The following GPR89B variants were observed in gnomAD, a reference collection of about 807,000 sequenced individuals.
The protein encoded by GPR89B is golgi pH regulator B.
Under a neutral mutation model 52.4 loss-of-function variants are expected in GPR89B, and 25 were observed. The observed-to-expected ratio is 0.48, with a 90% CI of 0.35 to 0.67. The LOEUF is 0.67. Among genes scored for constraint, GPR89B ranks in the 30% least tolerant of loss-of-function variants. The pLI is 0.01. For synonymous variants in GPR89B, 52 were observed against 151.2 expected (o/e 0.34, Z 4.81); for missense variants, 146 against 450.2 (o/e 0.32, Z 6.11).
downstream of GPR89B, chr1:147,995,670 G>C: frequency 3.1e-6 from 5 of 1,609,622 alleles, no homozygotes; most frequent in Non-Finnish European, 4.2e-6. Context: ...GGGGTGTCAA[G>C]TGGATCAGCC....
At chr1:147,979,405 G>A (rs1240148866) in intron 10 of GPR89B, among the ~76,000 whole-genome samples, 1 of 151,916 alleles carries the variant, frequency 6.6e-6, no homozygotes, top group African/African-American at 2.4e-5. Context: ...TTATTGCACT[G>A]ACTAAAACCT....
intron 10 of GPR89B, among the ~76,000 whole-genome samples, chr1:147,977,233 C>CAAAAAAAAA (rs1191631857): frequency 4.8e-5 from 2 of 41,324 alleles, no homozygotes; most frequent in African/African-American, 9.5e-5. Flanking sequence ...GACTCCATCT[C>CAAAAAAAAA]AAAAAAAAAA....
the GPR89B span, among the ~76,000 whole-genome samples, chr1:148,018,801 G>A: frequency 1.1e-4 from 17 of 151,542 alleles, no homozygotes; most frequent in Non-Finnish European, 4.4e-5. Context: ...CTAGTAGCTG[G>A]GATTACAGGC....
intron 8 of GPR89B, chr1:147,967,250 CAA>C (rs1433390564): frequency 6.7e-6 from 1 of 148,948 alleles, no homozygotes; most frequent in African/African-American, 2.5e-5. Context: ...GGCAACATGA[CAA>C]AACCTCATCT....
At chr1:148,005,655 T>C in the GPR89B span, 2 of 956,590 alleles carry the variant, frequency 2.1e-6, no homozygotes, top group African/African-American at 3.3e-5. Context: ...TCTAAGAACA[T>C]GTCAACCTTA....
the GPR89B span, among the ~76,000 whole-genome samples, chr1:148,016,169 T>C: frequency 2.1e-5 from 2 of 95,268 alleles, no homozygotes; most frequent in African/African-American, 8.8e-5. Context: ...AGATCTGGAT[T>C]TTCATCTGGT....
intron 7 of GPR89B, among the ~76,000 whole-genome samples, chr1:147,956,761 G>A (rs1358864132): frequency 4.0e-5 from 6 of 150,542 alleles, no homozygotes; most frequent in South Asian, 4.2e-4. Context: ...TTTTTAAGAC[G>A]GAGTCTCACT....
the GPR89B span, among the ~76,000 whole-genome samples, chr1:148,016,751 T>C: frequency 1.3e-5 from 2 of 151,504 alleles, no homozygotes; most frequent in African/African-American, 2.4e-5. Context: ...AGAAAGAAAA[T>C]AAATGCTTCC....
At chr1:147,969,424 G>A in intron 9 of GPR89B, 1 of 205,010 alleles carries the variant, frequency 4.9e-6, no homozygotes, top group East Asian at 1.4e-4. Flanking sequence ...ATTTAAATGT[G>A]CAAAATCTGT....
chr1:148,025,049 C>T, the GPR89B span, among the ~76,000 whole-genome samples: 1 of 151,830 alleles, frequency 6.6e-6, no homozygotes, highest in Non-Finnish European at 1.5e-5. Context: ...TAATCGACAC[C>T]ATCCTTTTCA....
chr1:148,006,345 T>C, the GPR89B span, among the ~76,000 whole-genome samples: 1 of 152,126 alleles, frequency 6.6e-6, no homozygotes, highest in Non-Finnish European at 1.5e-5. Flanking sequence ...TGCTGCGGAG[T>C]CATCTCACCA....
chr1:147,957,335 C>T (rs1199608947), intron 7 of GPR89B, among the ~76,000 whole-genome samples: 7 of 151,694 alleles, frequency 4.6e-5, no homozygotes, highest in African/African-American at 1.5e-4. Flanking sequence ...GTCTTTGTGC[C>T]TCATTTGTAA....
the GPR89B span, among the ~76,000 whole-genome samples, chr1:148,004,908 C>A: frequency 4.3e-4 from 55 of 126,458 alleles, 3 homozygotes; most frequent in African/African-American, 1.6e-3. Context: ...CACACACACA[C>A]ACACACACAC....
At chr1:148,012,864 G>A in the GPR89B span, among the ~76,000 whole-genome samples, 2 of 151,888 alleles carry the variant, frequency 1.3e-5, no homozygotes, top group Admixed American at 1.3e-4. Context: ...AAGAGCCTCT[G>A]GCCTACATCT....
At chr1:147,978,182 C>A (rs1387964630) in intron 10 of GPR89B, among the ~76,000 whole-genome samples, 38 of 151,582 alleles carry the variant, frequency 2.5e-4, no homozygotes, top group Non-Finnish European at 4.3e-4. Context: ...TTTGTGGGGT[C>A]TTTTTTTGTT....
the GPR89B span, among the ~76,000 whole-genome samples, chr1:148,002,508 G>A: frequency 6.6e-6 from 1 of 152,110 alleles, no homozygotes; most frequent in South Asian, 2.1e-4. Flanking sequence ...CATGGGCTTT[G>A]GAACTAAACA....
the GPR89B span, among the ~76,000 whole-genome samples, chr1:147,999,309 C>A: frequency 2.0e-5 from 3 of 151,652 alleles, no homozygotes; most frequent in African/African-American, 7.3e-5. Context: ...CATAGGACAC[C>A]TTAAAAAAAA....
chr1:147,958,069 A>C (rs1656255866), intron 7 of GPR89B, among the ~76,000 whole-genome samples: 2 of 151,002 alleles, frequency 1.3e-5, no homozygotes. Flanking sequence ...GTCTCAAAAA[A>C]GAAAAAAAAA....
intron 10 of GPR89B, among the ~76,000 whole-genome samples, chr1:147,971,252 C>T (rs1657439428): frequency 6.6e-6 from 1 of 151,226 alleles, no homozygotes; most frequent in Non-Finnish European, 1.5e-5. Flanking sequence ...TGGGCTCAAG[C>T]AATTCTCCTG....
Sources: gnomAD v4.1 joint callset for allele counts (sites outside exome capture counted in the v4.1 genomes callset) on GRCh38, gnomAD v4.1.1 for gene constraint, MANE v1.5 for transcripts, NCBI Gene and HGNC (gene_info 2026-07-23, HGNC 2026-07-21) for gene names.